PRKAR2B: variants seen among roughly 807,000 people sequenced by gnomAD.
PRKAR2B encodes protein kinase cAMP-dependent type II regulatory subunit beta, also known as cAMP-dependent protein kinase type II-beta regulatory subunit.
In PRKAR2B, 14 loss-of-function variants were observed where a neutral mutation model predicts 49.9. The observed-to-expected ratio is 0.28, with a 90% CI of 0.19 to 0.44. The LOEUF is 0.44. Ranked by LOEUF, PRKAR2B falls within the 20% of genes least tolerant of loss-of-function variation. PRKAR2B has a pLI of 1.00. For missense variants in PRKAR2B, 393 were observed against 537.9 expected (o/e 0.73, Z 2.67); for synonymous variants, 196 against 197.7 (o/e 0.99, Z 0.07).
chr7:107,128,311 A>AT lies in PRKAR2B; in HGVS notation c.480+17dup, dbSNP rs781534959. On this transcript the variant is annotated intron_variant, in intron 4 of 10. Coordinates refer to ENST00000265717, the MANE Select transcript of PRKAR2B (RefSeq NM_002736.3). Reference sequence around the variant, plus strand: ...TCTGGATCCGGTAAGATAAATCTTAATAATAGAAATGGCTTTGTTTTTTCC... The same window carrying AT: ...TCTGGATCCGGTAAGATAAATCTTAATTAATAGAAATGGCTTTGTTTTTTCC... 1 of 1,574,144 alleles carries AT rather than the reference A, an allele frequency of 6.4e-7. No individual in the cohort carries two copies. The highest frequency in any genetic ancestry group is 1.1e-5 in the South Asian group (1 of 90,168).
At chr7:107,103,109 G>A (rs1180955086) in intron 2 of PRKAR2B, among the ~76,000 whole-genome samples, 2 of 152,056 alleles carry the variant, frequency 1.3e-5, no homozygotes, top group Non-Finnish European at 2.9e-5. Context: ...ATGTTTTCTT[G>A]CTAATAATCA....
chr7:107,150,592 G>GTATA (rs1795965739), intron 6 of PRKAR2B, among the ~76,000 whole-genome samples: 5 of 145,824 alleles, frequency 3.4e-5, no homozygotes, highest in Non-Finnish European at 7.5e-5. Context: ...AGAACAGAGT[G>GTATA]CTAGTATACA....
At position 107,102,591 on chromosome 7, in the gene PRKAR2B, C is replaced by T. The variant is rs529672682; in HGVS notation, c.344-19361C>T. Reference sequence around the variant, plus strand: ...AGAGTTTCTTGAGCAAAGCCAAGAACCCCCCAATTTTGGGGTTCACCAGCA... The same window carrying T: ...AGAGTTTCTTGAGCAAAGCCAAGAATCCCCCAATTTTGGGGTTCACCAGCA... On this transcript the variant is annotated intron_variant, in intron 2 of 10. Coordinates refer to ENST00000265717, the MANE Select transcript of PRKAR2B (RefSeq NM_002736.3). Among the ~76,000 whole-genome samples the T allele has an allele frequency of 2.6e-5, 4 of 152,298 alleles. No homozygotes were observed. In the South Asian group the frequency reaches 8.3e-4, roughly 32 times the overall value.
Position 107,153,116 on chromosome 7 carries a change from A to G in PRKAR2B, c.844-61A>G, listed in dbSNP as rs549932303. On this transcript the variant is annotated intron_variant, in intron 7 of 10. Transcript: ENST00000265717. Reference sequence around the variant, plus strand: ...ATAGGCTACCAGTTTTTTACTCCCGAACTAGATAAGCTTACCCAGTTAATT... The same window carrying G: ...ATAGGCTACCAGTTTTTTACTCCCGGACTAGATAAGCTTACCCAGTTAATT... 2.5e-4 allele frequency: 334 copies of G among 1,347,798 alleles called. No homozygotes were observed. In the East Asian group the frequency reaches 7.7e-3, roughly 31 times the overall value. The allele number at this position is 1,347,798 out of a possible 1,614,324, so 83.5% of individuals were successfully genotyped here.
At chr7:107,139,395 G>T (rs1860803) in intron 4 of PRKAR2B, among the ~76,000 whole-genome samples, 76,295 of 152,012 alleles carry the variant, frequency 0.5, 20,462 homozygotes, top group South Asian at 0.61. Context: ...AGTTTCTCTC[G>T]AATCTTTTGT....
At chr7:107,126,087 TAAAAAA>T (rs34333619) in intron 3 of PRKAR2B, among the ~76,000 whole-genome samples, 8 of 82,258 alleles carry the variant, frequency 9.7e-5, no homozygotes, top group East Asian at 6.8e-4. Context: ...GACTGTGTCT[TAAAAAA>T]AAAAAAAAAA....
At chr7:107,128,337 C>G (rs1795535610) in intron 4 of PRKAR2B, 42 bp downstream of exon 4, 1 of 1,444,060 alleles carries the variant, frequency 6.9e-7, no homozygotes, top group Non-Finnish European at 9.7e-7. Context: ...TGTTTTTTCC[C>G]CCAGTGACAG....
At chr7:107,084,371 TTA>T (rs1486785958) in intron 2 of PRKAR2B, among the ~76,000 whole-genome samples, 1 of 127,462 alleles carries the variant, frequency 7.8e-6, no homozygotes, top group Non-Finnish European at 1.8e-5. Flanking sequence ...AATTTAAATG[TTA>T]TGTTATTATC....
intron 1 of PRKAR2B, among the ~76,000 whole-genome samples, chr7:107,059,287 A>AT (rs11409999): frequency 0.63 from 95,528 of 150,716 alleles, 31,444 homozygotes; most frequent in African/African-American, 0.82. Context: ...AAAAAAAGTT[A>AT]TTTTTTTTTC....
intron 2 of PRKAR2B, among the ~76,000 whole-genome samples, chr7:107,095,381 A>G (rs1794816264): frequency 6.6e-6 from 1 of 152,220 alleles, no homozygotes; most frequent in African/African-American, 2.4e-5. Flanking sequence ...GAAGTTGCTT[A>G]TCAGCTTAAG....
chr7:107,139,035 C>T (rs11760261), intron 4 of PRKAR2B, among the ~76,000 whole-genome samples: 70,478 of 151,986 alleles, frequency 0.46, 18,905 homozygotes, highest in South Asian at 0.6. Flanking sequence ...ATTTCCAAGC[C>T]ACCCATTTTT....
chr7:107,103,985 A>G (rs1372218740), intron 2 of PRKAR2B, among the ~76,000 whole-genome samples: 3 of 151,514 alleles, frequency 2.0e-5, no homozygotes, highest in Admixed American at 6.6e-5. Context: ...GGGAATCCAA[A>G]TCTGGCAGAA....
At chr7:107,097,754 C>G (rs1192929712) in intron 2 of PRKAR2B, among the ~76,000 whole-genome samples, 1 of 152,112 alleles carries the variant, frequency 6.6e-6, no homozygotes, top group African/African-American at 2.4e-5. Flanking sequence ...GATTTTATTT[C>G]TCCTCCACTT....
intron 4 of PRKAR2B, among the ~76,000 whole-genome samples, chr7:107,136,113 A>G (rs1473703977): frequency 2.0e-5 from 3 of 152,178 alleles, no homozygotes; most frequent in African/African-American, 7.2e-5. Flanking sequence ...ATGGTGCTGG[A>G]AAAACTAGAT....
At chr7:107,089,803 A>G (rs557479051) in intron 2 of PRKAR2B, among the ~76,000 whole-genome samples, 3 of 152,308 alleles carry the variant, frequency 2.0e-5, no homozygotes, top group African/African-American at 4.8e-5. Flanking sequence ...TACATTCTCT[A>G]CTAGCACAGA....
At chr7:107,146,529 T>G in intron 6 of PRKAR2B, 68 bp downstream of exon 6, 1 of 1,496,396 alleles carries the variant, frequency 6.7e-7, no homozygotes, top group Non-Finnish European at 9.1e-7. Context: ...TGTTACAAAT[T>G]GCCGCATGTA....
chr7:107,152,977 T>C (rs1474902344), intron 7 of PRKAR2B, among the ~76,000 whole-genome samples, 200 bp from the exon 8 acceptor site: 2 of 152,210 alleles, frequency 1.3e-5, no homozygotes, highest in African/African-American at 4.8e-5. Flanking sequence ...TGATGCTGAT[T>C]TTTCAAGAGA....
At position 107,144,252 on chromosome 7, in the gene PRKAR2B, A is replaced by AT. The variant is rs1041583943; in HGVS notation, c.588-2049dup. On this transcript the variant is annotated intron_variant, in intron 5 of 10. Coordinates refer to ENST00000265717, the MANE Select transcript of PRKAR2B (RefSeq NM_002736.3). ...AGGTGACTGCCACCACGCCTGGCTA[A>AT]TTTTTTTGTATTTTTAGTAGAGACG... is the stretch of plus-strand genomic sequence containing the variant. Among the ~76,000 whole-genome samples the AT allele has an allele frequency of 5.3e-5, 8 of 151,184 alleles. No homozygotes were observed. The South Asian group carries it at 6.3e-4, about 12-fold the overall frequency.
At chr7:107,108,770 T>C in intron 2 of PRKAR2B, among the ~76,000 whole-genome samples, 1 of 152,234 alleles carries the variant, frequency 6.6e-6, no homozygotes, top group East Asian at 1.9e-4. Flanking sequence ...CAATTTTTAC[T>C]GAGCCCCTTT....
Sources: gnomAD v4.1 joint callset for allele counts (sites outside exome capture counted in the v4.1 genomes callset) on GRCh38, gnomAD v4.1.1 for gene constraint, MANE v1.5 for transcripts, NCBI Gene and HGNC (gene_info 2026-07-23, HGNC 2026-07-21) for gene names.